SYNE1: variants seen among roughly 807,000 people sequenced by gnomAD.
SYNE1 encodes the protein spectrin repeat containing nuclear envelope protein 1, also known as nesprin-1.
In SYNE1, 616 loss-of-function variants were observed where a neutral mutation model predicts 1,111.0. That is an observed-to-expected ratio of 0.55 (90% CI 0.52 to 0.59). The LOEUF is 0.59. Among genes scored for constraint, SYNE1 ranks in the 20% least tolerant of loss-of-function variants. SYNE1 has a pLI of 0.00. For missense variants in SYNE1, 10,006 were observed against 10,417.0 expected (o/e 0.96, Z 1.72); for synonymous variants, 3,855 against 3,825.8 (o/e 1.01, Z -0.28).
intron 34 of SYNE1, 157 bp downstream of exon 34, chr6:152,433,638 C>A: frequency 1.2e-6 from 1 of 830,108 alleles, no homozygotes; most frequent in South Asian, 1.6e-5. Context: ...CAGTATTAAT[C>A]CAGACCTCTT....
Position 152,326,679 on chromosome 6 carries a change from T to C in SYNE1, c.14956-46A>G, listed in dbSNP as rs746858807. The C allele has an allele frequency of 1.9e-6, 3 of 1,561,430 alleles. No individual in the cohort carries two copies. The South Asian group carries it at 3.4e-5, about 18-fold the overall frequency. On this transcript the variant is annotated intron_variant, in intron 78 of 145. Coordinates refer to ENST00000367255, the MANE Select transcript of SYNE1 (RefSeq NM_182961.4). The stretch of plus-strand genomic sequence containing the variant: ...ACATAATCAACTCTCCTTTGCAATG[T>C]GTTTGCAGGAAAGAGTTTTATTCAC...
chr6:152,367,529 G>T (rs1405767918), intron 61 of SYNE1, 147 bp from the exon 62 acceptor site: 4 of 876,054 alleles, frequency 4.6e-6, no homozygotes, highest in Non-Finnish European at 7.5e-6. Context: ...TATGAGATAT[G>T]TTAAAGATCT....
At chr6:152,241,790 G>T (rs1311469157) in intron 107 of SYNE1, among the ~76,000 whole-genome samples, 1 of 152,178 alleles carries the variant, frequency 6.6e-6, no homozygotes, top group Non-Finnish European at 1.5e-5. Flanking sequence ...AGCAAGGAGT[G>T]AGCGAGGAGT....
Position 152,231,802 on chromosome 6 carries a change from G to GTGTA in SYNE1, c.20863-236_20863-235insTACA, listed in dbSNP as rs144601774. Among the ~76,000 whole-genome samples, 44,135 of 149,314 alleles carry GTGTA rather than the reference G, an allele frequency of 0.3. 6,872 individuals carry two copies. The highest frequency in any genetic ancestry group is 0.58 in the East Asian group (2,929 of 5,064). ...CGTGTGTATGTGTGTGTGTGTGTGTGTATATATATATTTAGGTAGAAGATT... is the reference window on the plus strand; with the variant it reads ...CGTGTGTATGTGTGTGTGTGTGTGTGTGTATATATATATATTTAGGTAGAAGATT... On this transcript the variant is annotated intron_variant, in intron 113 of 145. Coordinates refer to ENST00000367255, the MANE Select transcript of SYNE1 (RefSeq NM_182961.4).
intron 3 of SYNE1, among the ~76,000 whole-genome samples, chr6:152,558,880 A>C (rs996212224): frequency 1.8e-4 from 27 of 152,212 alleles, no homozygotes; most frequent in Non-Finnish European, 3.1e-4. Context: ...CAGCAACAGC[A>C]GAATACACAT....
intron 87 of SYNE1, among the ~76,000 whole-genome samples, chr6:152,312,564 T>A (rs2153859051): frequency 6.7e-6 from 1 of 148,632 alleles, no homozygotes; most frequent in South Asian, 2.1e-4. Context: ...GATATATATA[T>A]ATAATCTGTT....
At chr6:152,627,360 C>T (rs767543812) in intron 3 of SYNE1, among the ~76,000 whole-genome samples, 7 of 152,042 alleles carry the variant, frequency 4.6e-5, no homozygotes, top group Non-Finnish European at 7.4e-5. Context: ...TTCTAGAAAG[C>T]AGAGAAGAGC....
intron 145 of SYNE1, among the ~76,000 whole-genome samples, chr6:152,124,175 G>A (rs117713076): frequency 0.014 from 2,125 of 152,172 alleles, 34 homozygotes; most frequent in African/African-American, 0.025. Flanking sequence ...GCCTGGTGGC[G>A]TGTGCCTGTA....
chr6:152,610,362 T>C (rs2099627871), intron 3 of SYNE1, among the ~76,000 whole-genome samples: 1 of 152,238 alleles, frequency 6.6e-6, no homozygotes, highest in South Asian at 2.1e-4. Flanking sequence ...CAAGCTTCAA[T>C]AGCCGATTCG....
chr6:152,137,601 C>T (rs912632970), intron 140 of SYNE1, among the ~76,000 whole-genome samples: 17 of 152,270 alleles, frequency 1.1e-4, no homozygotes, highest in Admixed American at 5.2e-4. Context: ...GCACAGGAGT[C>T]TGTATTAGTA....
intron 132 of SYNE1, chr6:152,155,371 C>T (rs1177578783): frequency 5.7e-6 from 2 of 353,862 alleles, no homozygotes; most frequent in Non-Finnish European, 1.1e-5. Context: ...AGTGTGCACT[C>T]AGGCCAGTGT....
chr6:152,157,392 G>A (rs1205877175), intron 131 of SYNE1, among the ~76,000 whole-genome samples: 1 of 152,228 alleles, frequency 6.6e-6, no homozygotes, highest in East Asian at 1.9e-4. Context: ...CATGGAGGTA[G>A]AGAGTAGAAC....
At chr6:152,244,812 T>A (rs190034758) in intron 105 of SYNE1, among the ~76,000 whole-genome samples, 156 bp from the exon 106 acceptor site, 68 of 152,260 alleles carry the variant, frequency 4.5e-4, no homozygotes, top group African/African-American at 1.4e-3. Flanking sequence ...TCGAAAGCCA[T>A]GTTCAGAGGG....
chr6:152,250,417 C>T (rs2088825554), intron 104 of SYNE1, among the ~76,000 whole-genome samples: 1 of 152,144 alleles, frequency 6.6e-6, no homozygotes, highest in South Asian at 2.1e-4. Context: ...TGCAAACATT[C>T]TGACTGTCTA....
At chr6:152,171,790 C>T (rs908977470) in intron 130 of SYNE1, among the ~76,000 whole-genome samples, 1 of 152,154 alleles carries the variant, frequency 6.6e-6, no homozygotes, top group Non-Finnish European at 1.5e-5. Context: ...TTTGTGGGAG[C>T]ACTGCCATGG....
rs1242974895 is a variant in SYNE1 at position 152,347,096 on chromosome 6, T to G, written c.12041A>C (p.Lys4014Thr). 1 of 1,614,098 alleles carries G rather than the reference T, an allele frequency of 6.2e-7. No individual in the cohort carries two copies. The highest frequency in any genetic ancestry group is 8.5e-7 in the Non-Finnish European group (1 of 1,180,050). ...QNVHAHLQGT[K>T]DSYSAICSTA... ...GCTGCAGATCGCTGAGTAGCTGTCC[T>G]TTGTGCCCTGCAGATGAGCATGCAC... The change falls in exon 73 of 146, where the codon AAG (lysine) becomes ACG (threonine). Residue 4014 changes from lysine (K) to threonine (T), a missense_variant. This residue lies in a region of SYNE1 where 4,955 missense variants were observed against 5,017.2 expected (regional missense o/e 0.99). Transcript: ENST00000367255.
chr6:152,145,779 C>A, intron 137 of SYNE1: 1 of 487,346 alleles, frequency 2.1e-6, no homozygotes, highest in Non-Finnish European at 3.8e-6. Flanking sequence ...AATCCCAGCA[C>A]TTTGGGAGGC....
At chr6:152,621,492 C>T (rs2099675214) in intron 3 of SYNE1, among the ~76,000 whole-genome samples, 1 of 151,748 alleles carries the variant, frequency 6.6e-6, no homozygotes, top group Non-Finnish European at 1.5e-5. Flanking sequence ...ACATTACATG[C>T]CATATAAAAT....
chr6:152,605,011 AGAGAGAGAGAGAGAGAGAGAGAGAGG>A (rs1343516646), intron 3 of SYNE1, among the ~76,000 whole-genome samples: 34 of 42,974 alleles, frequency 7.9e-4, no homozygotes, highest in African/African-American at 4.2e-3. Flanking sequence ...AAAGAAAGAG[AGAGAGAGAGAGAGAGAGAGAGAGAGG>A]GAGGGAGGGA....
Sources: allele counts gnomAD v4.1 joint callset (sites outside exome capture counted in the v4.1 genomes callset), GRCh38; gene constraint gnomAD v4.1.1; regional missense constraint gnomAD v4.1.1; transcripts MANE v1.5; gene names NCBI Gene and HGNC (gene_info 2026-07-23, HGNC 2026-07-21).